The following SNX12 variants were observed in gnomAD, a reference collection of about 807,000 sequenced individuals.
SNX12 encodes the protein sorting nexin-12.
For synonymous variants in SNX12, 47 were observed against 56.0 expected, an observed-to-expected ratio of 0.84 and a Z score of 0.71; for missense variants, 62 against 141.3, an observed-to-expected ratio of 0.44 and a Z score of 2.84.
intron 1 of SNX12, 79 bp downstream of exon 1, chrX:71,068,063 C>G (rs1225723479): frequency 2.0e-6 from 2 of 995,919 alleles, no homozygotes; most frequent in African/African-American, 3.9e-5. Context: ...CGTTAGTTGC[C>G]CCCGCGGTAG....
At chrX:71,071,565 T>TTATATTTA (rs2092172440), upstream of SNX12, among the ~76,000 whole-genome samples, 1 of 53,521 alleles carries the variant, frequency 1.9e-5, no homozygotes, top group Non-Finnish European at 2.7e-5. Flanking sequence ...TATATAATAT[T>TTATATTTA]TATATATTAT....
upstream of SNX12, among the ~76,000 whole-genome samples, chrX:71,072,555 T>A (rs2092176592): frequency 9.0e-6 from 1 of 111,144 alleles, no homozygotes; most frequent in African/African-American, 3.3e-5. Context: ...GTGGAAACAT[T>A]TAGTAGAGAA....
At chrX:71,068,059 T>G (rs2092160528) in intron 1 of SNX12, 83 bp downstream of exon 1, 1 of 951,536 alleles carries the variant, frequency 1.1e-6, no homozygotes, top group Non-Finnish European at 1.4e-6. Context: ...CCGCCGTTAG[T>G]TGCCCCCGCG....
At chrX:71,066,492 A>C (rs1569477007) in intron 1 of SNX12, among the ~76,000 whole-genome samples, 1 of 107,518 alleles carries the variant, frequency 9.3e-6, no homozygotes, top group African/African-American at 3.4e-5. Context: ...CGGGAGGATG[A>C]GGCAGGAGAA....
chrX:71,067,347 A>G, intron 1 of SNX12, among the ~76,000 whole-genome samples: 1 of 112,209 alleles, frequency 8.9e-6, no homozygotes, highest in Middle Eastern at 4.6e-3. Flanking sequence ...AAAGCCATTC[A>G]TATACAAAGT....
Position 71,060,944 on chromosome X carries a change from CAG to C in SNX12, c.*70_*71del, listed in dbSNP as rs1239601899. The C allele has an allele frequency of 2.4e-6, 2 of 825,754 alleles. No homozygotes were observed. The highest frequency in any genetic ancestry group is 4.1e-5 in the African/African-American group (2 of 49,184). 68.1% of individuals were successfully genotyped at this position (825,754 alleles called of 1,213,427 possible). ...TGGGCAGCCAACTTCAGATCAAAGA[CAG>C]AGAGAGGCTTAGTGTAAAAACCAAT... On this transcript the variant is annotated 3_prime_UTR_variant, in exon 4 of 4. Transcript: ENST00000374274.
chrX:71,066,316 G>A (rs1025275414), intron 1 of SNX12, among the ~76,000 whole-genome samples: 3 of 111,848 alleles, frequency 2.7e-5, no homozygotes, highest in Non-Finnish European at 5.6e-5. Flanking sequence ...AGGGCCAGGC[G>A]TGGTGGCTCA....
intron 1 of SNX12, among the ~76,000 whole-genome samples, chrX:71,064,505 AAT>A (rs1238014788): frequency 8.9e-6 from 1 of 112,773 alleles, no homozygotes; most frequent in African/African-American, 3.2e-5. Flanking sequence ...TCAATTGATT[AAT>A]AGAGACTCTA....
upstream of SNX12, chrX:71,073,143 T>C: frequency 9.0e-6 from 1 of 110,859 alleles, no homozygotes. Context: ...TTCCTCTCTA[T>C]TGCGTTTCCT....
At chrX:71,062,325 A>C (rs1318097264) in intron 2 of SNX12, among the ~76,000 whole-genome samples, 1 of 109,384 alleles carries the variant, frequency 9.1e-6, no homozygotes, top group Non-Finnish European at 1.9e-5. Flanking sequence ...GACTAAGTGA[A>C]GTAATACTTT....
At chrX:71,068,095 G>C (rs1322491181) in intron 1 of SNX12, 47 bp downstream of exon 1, 45 of 786,456 alleles carry the variant, frequency 5.7e-5, no homozygotes, top group Middle Eastern at 3.3e-4. Context: ...CCTCCCGCTC[G>C]CGCCGCCCGG....
upstream of SNX12, chrX:71,073,185 A>G (rs2092178356): frequency 9.0e-6 from 1 of 111,457 alleles, no homozygotes; most frequent in Admixed American, 9.6e-5. Flanking sequence ...AAAAGGAGTC[A>G]AGAATGGGGG....
At chrX:71,071,100 T>C (rs1332600236), upstream of SNX12, among the ~76,000 whole-genome samples, 1 of 109,985 alleles carries the variant, frequency 9.1e-6, no homozygotes, top group Non-Finnish European at 1.9e-5. Context: ...GTAGTCTTTT[T>C]TTCTAATTTG....
chrX:71,066,588 T>C (rs1394155255), intron 1 of SNX12, among the ~76,000 whole-genome samples: 10 of 87,849 alleles, frequency 1.1e-4, no homozygotes, highest in African/African-American at 4.2e-4. Flanking sequence ...AGACTCCATC[T>C]CTTAAAAAAA....
intron 1 of SNX12, among the ~76,000 whole-genome samples, 156 bp downstream of exon 1, chrX:71,067,986 C>T (rs1312165005): frequency 9.1e-6 from 1 of 110,378 alleles, no homozygotes; most frequent in African/African-American, 3.3e-5. Flanking sequence ...ACAACTGAAT[C>T]GGCAGACCTC....
At chrX:71,068,086 C>T (rs1212097315) in intron 1 of SNX12, 56 bp downstream of exon 1, 14 of 1,091,415 alleles carry the variant, frequency 1.3e-5, no homozygotes, top group African/African-American at 3.7e-5. Context: ...TCCCTCCCCC[C>T]TCCCGCTCGC....
chrX:71,063,844 G>C (rs1162815719), intron 1 of SNX12, among the ~76,000 whole-genome samples: 1 of 110,924 alleles, frequency 9.0e-6, no homozygotes, highest in Non-Finnish European at 1.9e-5. Flanking sequence ...AGGCTATGGT[G>C]AACTGTGATT....
At chrX:71,071,499 T>A (rs1175247307), upstream of SNX12, among the ~76,000 whole-genome samples, 2 of 58,858 alleles carry the variant, frequency 3.4e-5, no homozygotes, top group Non-Finnish European at 5.2e-5. Flanking sequence ...TATATAATTA[T>A]TATATTTATA....
chrX:71,065,926 C>T (rs1468392456), intron 1 of SNX12, among the ~76,000 whole-genome samples: 1 of 109,912 alleles, frequency 9.1e-6, no homozygotes, highest in Non-Finnish European at 1.9e-5. Flanking sequence ...TTGCAGTGAG[C>T]TGAGATCATG....
Sources: allele counts gnomAD v4.1 joint callset (sites outside exome capture counted in the v4.1 genomes callset), GRCh38; gene constraint gnomAD v4.1.1; transcripts MANE v1.5; gene names NCBI Gene and HGNC (gene_info 2026-07-23, HGNC 2026-07-21).